The following TBX5 variants were observed in gnomAD, a reference collection of about 807,000 sequenced individuals.
The protein encoded by TBX5 is T-box transcription factor TBX5.
Under a neutral mutation model 51.1 loss-of-function variants are expected in TBX5, and 8 were observed. That is an observed-to-expected ratio of 0.16 (90% confidence interval 0.09 to 0.28). TBX5 has a LOEUF of 0.28. Ranked by LOEUF, TBX5 falls within the 10% of genes least tolerant of loss-of-function variation. The pLI, the probability that TBX5 is intolerant of heterozygous loss-of-function variation, is 1.00. For missense variants in TBX5, 589 were observed against 671.7 expected, an observed-to-expected ratio of 0.88 and a Z score of 1.36; for synonymous variants, 302 against 266.4, an observed-to-expected ratio of 1.13 and a Z score of -1.30.
At position 114,405,941 on chromosome 12, in the gene TBX5, C is replaced by G. The variant is rs139857351; in HGVS notation, c.-352G>C. ...CATATAATCTCAGTGCCCCGCTCCTCCTTTACACCCCCAGGGAGGGAAAGT... is the reference window on the plus strand; with the variant it reads ...CATATAATCTCAGTGCCCCGCTCCTGCTTTACACCCCCAGGGAGGGAAAGT... On this transcript the variant is annotated 5_prime_UTR_variant, in exon 1 of 9. Coordinates refer to ENST00000405440, the MANE Select transcript of TBX5 (RefSeq NM_181486.4). The G allele has an allele frequency of 3.0e-6, 3 of 985,456 alleles. No homozygotes were observed. The African/African-American group carries it at 5.2e-5, about 17-fold the overall frequency. The allele number at this position is 985,456 out of a possible 1,614,324, so 61.0% of individuals were successfully genotyped here.
At chr12:114,366,472 A>G (rs980831875) in intron 7 of TBX5, 81 bp from the exon 8 acceptor site, 3 of 1,398,224 alleles carry the variant, frequency 2.1e-6, no homozygotes, top group Non-Finnish European at 3.0e-6. Flanking sequence ...GTGTGAGAGA[A>G]TCCACCAGAA....
At chr12:114,396,212 G>C (rs990997051) in intron 5 of TBX5, among the ~76,000 whole-genome samples, 1 of 151,852 alleles carries the variant, frequency 6.6e-6, no homozygotes, top group Non-Finnish European at 1.5e-5. Flanking sequence ...CGGGCCGCGC[G>C]TCTCTAATCT....
chr12:114,378,595 GT>G (rs1870332980), intron 7 of TBX5, among the ~76,000 whole-genome samples: 2 of 152,198 alleles, frequency 1.3e-5, no homozygotes, highest in Admixed American at 1.3e-4. Flanking sequence ...GAGAGAACTT[GT>G]CCTCCCTTCT....
intron 7 of TBX5, among the ~76,000 whole-genome samples, chr12:114,372,492 T>TA (rs1869965189): frequency 6.6e-6 from 1 of 151,690 alleles, no homozygotes; most frequent in African/African-American, 2.4e-5. Context: ...TTTTTTTTTT[T>TA]TAGAGATGGG....
upstream of TBX5, chr12:114,407,045 T>G (rs1872273492): frequency 1.0e-6 from 1 of 985,290 alleles, no homozygotes; most frequent in Non-Finnish European, 1.2e-6. Context: ...ATAAGAGACT[T>G]GGGCCTGCAA....
intron 7 of TBX5, among the ~76,000 whole-genome samples, chr12:114,371,433 G>A (rs780227190): frequency 2.8e-4 from 42 of 152,110 alleles, no homozygotes; most frequent in Non-Finnish European, 5.1e-4. Flanking sequence ...GTTGTAAAAC[G>A]TTACAAGGGA....
chr12:114,363,708 C>T (rs535356761), intron 8 of TBX5, among the ~76,000 whole-genome samples: 1 of 152,328 alleles, frequency 6.6e-6, no homozygotes, highest in South Asian at 2.1e-4. Context: ...TCAAGAACCA[C>T]TGGCAGTTTT....
chr12:114,377,598 T>C (rs1870265913), intron 7 of TBX5, among the ~76,000 whole-genome samples: 1 of 151,810 alleles, frequency 6.6e-6, no homozygotes, highest in African/African-American at 2.4e-5. Context: ...TCTTTTTTTT[T>C]AGAGACAGGA....
At chr12:114,397,378 C>T (rs1212699352) in intron 5 of TBX5, among the ~76,000 whole-genome samples, 3 of 152,314 alleles carry the variant, frequency 2.0e-5, no homozygotes, top group East Asian at 3.9e-4. Flanking sequence ...GCCTCCCGTC[C>T]GCCCCCTAGG....
Position 114,356,162 on chromosome 12 carries a change from A to G in TBX5, c.983-56T>C, listed in dbSNP as rs1174780043. The stretch of plus-strand genomic sequence containing the variant: ...CAGGAGCAGGCACCAGGCAGCTAAA[A>G]GTGGAGACAGTTATTTGGCCAAAGT... On this transcript the variant is annotated intron_variant, in intron 8 of 8. Transcript: ENST00000405440. The G allele has an allele frequency of 1.4e-5, 22 of 1,549,938 alleles. No homozygotes were observed. The East Asian group carries it at 3.8e-4, about 27-fold the overall frequency.
rs562592012 is a variant in TBX5 at position 114,363,594 on chromosome 12, G to A, written c.982+2571C>T. Among the ~76,000 whole-genome samples, 2 of 152,268 alleles carry A rather than the reference G, an allele frequency of 1.3e-5. 1 individual carries two copies. Among genetic ancestry groups the A allele is most frequent in the South Asian group, 4.1e-4 (2 of 4,826 alleles). On this transcript the variant is annotated intron_variant, in intron 8 of 8. Transcript: ENST00000405440. ...CCAGTCTCAAAGACAGATCTTCAGT[G>A]GAAAATGAAATTTTGAGATTGTAGC...
At chr12:114,359,934 T>C (rs910948309) in intron 8 of TBX5, among the ~76,000 whole-genome samples, 1 of 152,342 alleles carries the variant, frequency 6.6e-6, no homozygotes, top group Non-Finnish European at 1.5e-5. Context: ...CTTTTCCCTC[T>C]TTCTCTTTTG....
chr12:114,361,452 A>T (rs11067073), intron 8 of TBX5, among the ~76,000 whole-genome samples: 9 of 152,110 alleles, frequency 5.9e-5, no homozygotes. Context: ...GTCAGGGGTG[A>T]GAGGGAGAAA....
At chr12:114,392,506 C>T (rs1196397019) in intron 6 of TBX5, among the ~76,000 whole-genome samples, 1 of 152,144 alleles carries the variant, frequency 6.6e-6, no homozygotes, top group Non-Finnish European at 1.5e-5. Context: ...AACATAACTA[C>T]ACAGAATTTA....
Position 114,403,744 on chromosome 12 carries a change from C to T in TBX5, c.147+8G>A. The stretch of plus-strand genomic sequence containing the variant: ...TGCAAAGGGACCCGAAGCGCGAGGT[C>T]TCCTTACCTGCTGGGTGAAGGCGGC... On this transcript the variant is annotated splice_region_variant and intron_variant, in intron 2 of 8. Coordinates refer to ENST00000405440, the MANE Select transcript of TBX5 (RefSeq NM_181486.4). The T allele has an allele frequency of 1.2e-6, 2 of 1,612,992 alleles. No homozygotes were observed. The highest frequency in any genetic ancestry group is 2.2e-5 in the East Asian group (1 of 44,864).
intron 5 of TBX5, among the ~76,000 whole-genome samples, chr12:114,397,578 G>T (rs935890906): frequency 7.9e-5 from 12 of 152,176 alleles, no homozygotes; most frequent in African/African-American, 2.9e-4. Context: ...GGGAAGAGGG[G>T]TGATGACCCT....
intron 8 of TBX5, among the ~76,000 whole-genome samples, chr12:114,365,539 A>T (rs11067080): frequency 0.082 from 12,412 of 152,190 alleles, 730 homozygotes; most frequent in Non-Finnish European, 0.13. Context: ...AAAAGTTTTT[A>T]AAAAAAATTT....
At chr12:114,365,969 G>C (rs1869506010) in intron 8 of TBX5, 196 bp downstream of exon 8, 3 of 680,126 alleles carry the variant, frequency 4.4e-6, no homozygotes, top group African/African-American at 3.6e-5. Context: ...GGCTGGAACT[G>C]GGGGTAGGAA....
chr12:114,381,424 A>G (rs1435697476), intron 7 of TBX5, among the ~76,000 whole-genome samples: 1 of 152,118 alleles, frequency 6.6e-6, no homozygotes, highest in East Asian at 1.9e-4. Flanking sequence ...CATATTCCCC[A>G]CTTGTCACTA....
Sources: allele counts gnomAD v4.1 joint callset (sites outside exome capture counted in the v4.1 genomes callset), GRCh38; gene constraint gnomAD v4.1.1; transcripts MANE v1.5; gene names NCBI Gene and HGNC (gene_info 2026-07-23, HGNC 2026-07-21).